TMX1: variants seen among roughly 807,000 people sequenced by gnomAD.
TMX1 encodes the protein thioredoxin-related transmembrane protein 1.
TMX1 carries 25 observed loss-of-function variants against 36.6 expected under a neutral mutation model. The observed-to-expected ratio is 0.68, with a 90% confidence interval of 0.50 to 0.95. The LOEUF (loss-of-function observed/expected upper bound fraction) is 0.95, where lower values mean the gene tolerates loss of function less well. Among genes scored for constraint, TMX1 ranks in the 40% least tolerant of loss-of-function variants. The probability of loss-of-function intolerance (pLI) is 0.00; values close to 1 mark genes in which losing one functional copy is unlikely to be tolerated. For synonymous variants in TMX1, 133 were observed against 118.0 expected (o/e 1.13, Z -0.82); for missense variants, 347 against 339.6 (o/e 1.02, Z -0.17).
At chr14:51,243,321 A>G (rs1373806697) in intron 1 of TMX1, among the ~76,000 whole-genome samples, 2 of 152,206 alleles carry the variant, frequency 1.3e-5, no homozygotes, top group African/African-American at 4.8e-5. Context: ...TAACATTCTC[A>G]TATAAAAATG....
At chr14:51,245,907 T>C in intron 3 of TMX1, 1 of 175,224 alleles carries the variant, frequency 5.7e-6, no homozygotes, top group Non-Finnish European at 1.2e-5. Context: ...AGCAAGATTA[T>C]GTAGTCTTCA....
chr14:51,251,590 G>C (rs1407001298), intron 7 of TMX1, among the ~76,000 whole-genome samples: 3 of 152,212 alleles, frequency 2.0e-5, no homozygotes, highest in African/African-American at 4.8e-5. Context: ...TGTGCAGGCT[G>C]TTACTGCCAC....
At chr14:51,240,510 T>G in intron 1 of TMX1, 66 bp downstream of exon 1, 1 of 1,555,692 alleles carries the variant, frequency 6.4e-7, no homozygotes, top group Non-Finnish European at 8.7e-7. Flanking sequence ...CGCACGTTCC[T>G]CGTGCGGGTC....
At position 51,247,115 on chromosome 14, in the gene TMX1, G is replaced by C. The variant is rs574991343; in HGVS notation, c.338G>C (p.Arg113Pro). 1 of 1,610,598 alleles carries C rather than the reference G, an allele frequency of 6.2e-7. No homozygotes were observed. The highest frequency in any genetic ancestry group is 8.5e-7 in the Non-Finnish European group (1 of 1,178,844). The change falls in exon 4 of 8, where the codon CGC becomes CCC. Residue 113 changes from arginine (R) to proline (P), a missense_variant. By Grantham distance (103) the Arg-to-Pro change is moderately radical (BLOSUM62 -2). Coordinates refer to ENST00000457354, the MANE Select transcript of TMX1 (RefSeq NM_030755.5). ...IYHCKDGEFR[R>P]YQGPRTKKDF... ...AGTTGTAAAGATGGTGAATTTAGGC[G>C]CTATCAGGGTCCAAGGACTAAGAAG...
rs34241507 is a variant in TMX1, at chr14:51,243,093, T to TA, written c.153-744dup. Among the ~76,000 whole-genome samples the TA allele has an allele frequency of 2.2e-3, 304 of 138,184 alleles. 1 individual carries two copies. Among genetic ancestry groups the TA allele is most frequent in the African/African-American group, 6.2e-3 (230 of 37,328 alleles). 90.7% of individuals were successfully genotyped at this position (138,184 alleles called of 152,430 possible). On this transcript the variant is annotated intron_variant, in intron 1 of 7. Coordinates refer to ENST00000457354, the MANE Select transcript of TMX1 (RefSeq NM_030755.5). ...TAGGCTTTATTCTTCCTGGTTCTGT[T>TA]AAAAAAAAAAAAAAAAAAAGAACAA...
Position 51,243,716 on chromosome 14 carries a change from A to G in TMX1, c.153-140A>G, listed in dbSNP as rs1015589745. On this transcript the variant is annotated intron_variant, in intron 1 of 7. Coordinates refer to ENST00000457354, the MANE Select transcript of TMX1 (RefSeq NM_030755.5). ...CTACCCTTAAAAGTTTTTCATCTGC[A>G]TAAAATTAACCACCTTATCATCTTC... is the stretch of plus-strand genomic sequence containing the variant. 3 of 569,374 alleles carry G rather than the reference A, an allele frequency of 5.3e-6. No individual in the cohort carries two copies. The East Asian group carries it at 9.7e-5, about 18-fold the overall frequency. The allele number at this position is 569,374 out of a possible 1,614,324, so 35.3% of individuals were successfully genotyped here.
chr14:51,254,188 T>A (rs11157811), intron 7 of TMX1, among the ~76,000 whole-genome samples, 153 bp from the exon 8 acceptor site: 7 of 152,044 alleles, frequency 4.6e-5, no homozygotes, highest in Admixed American at 1.3e-4. Context: ...TGGTTTTTTT[T>A]ATCTTATCTT....
At chr14:51,247,884 C>G (rs969415113) in intron 4 of TMX1, among the ~76,000 whole-genome samples, 4 of 152,190 alleles carry the variant, frequency 2.6e-5, no homozygotes, top group Non-Finnish European at 4.4e-5. Flanking sequence ...TAGGCTCAAA[C>G]TTGTACTCAT....
chr14:51,254,195 T>C (rs2065827866), intron 7 of TMX1, 146 bp from the exon 8 acceptor site: 4 of 603,900 alleles, frequency 6.6e-6, no homozygotes, highest in East Asian at 3.3e-5. Context: ...TTTTATCTTA[T>C]CTTGAATAAC....
At chr14:51,243,108 A>G (rs1399276292) in intron 1 of TMX1, among the ~76,000 whole-genome samples, 2 of 151,852 alleles carry the variant, frequency 1.3e-5, no homozygotes, top group East Asian at 3.8e-4. Flanking sequence ...AAAAAAAAAA[A>G]AAAAGAACAA....
rs190154756 is a variant in TMX1, at chr14:51,244,758, G to A, written c.269-555G>A. Among the ~76,000 whole-genome samples the A allele has an allele frequency of 6.6e-5, 10 of 152,168 alleles. No homozygotes were observed. The East Asian group carries it at 1.7e-3, about 26-fold the overall frequency. On this transcript the variant is annotated intron_variant, in intron 2 of 7. Transcript: ENST00000457354. ...TATTATTTAATCCTTATACAACCCCGTGAAATATGTAATGTCCCCATTTCA... is the reference window on the plus strand; with the variant it reads ...TATTATTTAATCCTTATACAACCCCATGAAATATGTAATGTCCCCATTTCA...
Position 51,256,156 on chromosome 14 carries a change from G to A in TMX1, c.*1637G>A, listed in dbSNP as rs2065837244. 1 of 152,350 alleles carries A rather than the reference G, an allele frequency of 6.6e-6. No individual in the cohort carries two copies. Among genetic ancestry groups the A allele is most frequent in the Non-Finnish European group, 1.5e-5 (1 of 67,960 alleles). The allele number at this position is 152,350 out of a possible 1,614,324, so 9.4% of individuals were successfully genotyped here. A position where few individuals can be genotyped will look rare whatever the true frequency, so the allele number is the denominator to read the frequency against. On this transcript the variant is annotated 3_prime_UTR_variant, in exon 8 of 8. Transcript: ENST00000457354. The stretch of plus-strand genomic sequence containing the variant: ...GTTCCTATATATGTACTTGATATGT[G>A]TAATCAAAAGACTGCCTTCTTTTTC...
chr14:51,242,522 AG>A (rs1335544137), intron 1 of TMX1, among the ~76,000 whole-genome samples: 1 of 152,234 alleles, frequency 6.6e-6, no homozygotes, highest in African/African-American at 2.4e-5. Context: ...GCTATAGAGT[AG>A]TAGTTTTTCT....
intron 1 of TMX1, among the ~76,000 whole-genome samples, chr14:51,243,523 A>G (rs1214772935): frequency 6.6e-6 from 1 of 152,238 alleles, no homozygotes; most frequent in Non-Finnish European, 1.5e-5. Flanking sequence ...TAAAATTGGT[A>G]AGCTCTAACT....
chr14:51,245,995 T>G, intron 3 of TMX1: 1 of 154,448 alleles, frequency 6.5e-6, no homozygotes, highest in East Asian at 1.9e-4. Flanking sequence ...CAACATCATG[T>G]AGCTGGTAGG....
intron 7 of TMX1, chr14:51,254,125 A>G: frequency 2.7e-6 from 1 of 367,120 alleles, no homozygotes; most frequent in African/African-American, 2.1e-5. Context: ...GGGTAATTAG[A>G]ATGACTTTGA....
intron 1 of TMX1, among the ~76,000 whole-genome samples, chr14:51,241,219 T>G (rs2065759311): frequency 6.6e-6 from 1 of 152,246 alleles, no homozygotes. Flanking sequence ...TCATGTATTT[T>G]GTGTGGTGAT....
rs188872033 is a variant in TMX1, at chr14:51,253,460, T to C, written c.665-881T>C. On this transcript the variant is annotated intron_variant, in intron 7 of 7. Coordinates refer to ENST00000457354, the MANE Select transcript of TMX1 (RefSeq NM_030755.5). ...CAGATGGTTCATTACTGGTAATTTT[T>C]CCCCATGGTTTATTCTGCCTTATTA... is the stretch of plus-strand genomic sequence containing the variant. Among the ~76,000 whole-genome samples the C allele has an allele frequency of 2.7e-3, 413 of 152,320 alleles. 1 individual carries two copies. Among genetic ancestry groups the C allele is most frequent in the South Asian group, 0.013 (64 of 4,820 alleles).
In TMX1 at chr14:51,246,840, C is replaced by A. The variant is rs553360280; in HGVS notation, c.315-252C>A. 9.2e-5 allele frequency among the ~76,000 whole-genome samples: 14 copies of A among 152,216 alleles called. No homozygotes were observed. The South Asian group carries it at 2.7e-3, about 29-fold the overall frequency. ...TGAGATTTATCTACTTACTGTATTTCATAGTTTCATTACTTGGAAGAATAA... is the reference window on the plus strand; with the variant it reads ...TGAGATTTATCTACTTACTGTATTTAATAGTTTCATTACTTGGAAGAATAA... On this transcript the variant is annotated intron_variant, in intron 3 of 7. Coordinates refer to ENST00000457354, the MANE Select transcript of TMX1 (RefSeq NM_030755.5).
Sources: allele counts gnomAD v4.1 joint callset (sites outside exome capture counted in the v4.1 genomes callset), GRCh38; gene constraint gnomAD v4.1.1; transcripts MANE v1.5; gene names NCBI Gene and HGNC (gene_info 2026-07-23, HGNC 2026-07-21).